DYNC2I1: variants seen among roughly 807,000 people sequenced by gnomAD.
DYNC2I1 encodes cytoplasmic dynein 2 intermediate chain 1.
DYNC2I1 carries 89 observed loss-of-function variants against 133.4 expected under a neutral mutation model. The observed-to-expected ratio is 0.67, with a 90% CI of 0.56 to 0.80. The LOEUF is 0.80. DYNC2I1 is among the 30% of genes least tolerant of loss of function. The pLI is 0.00. For missense variants in DYNC2I1, 1,291 were observed against 1,314.5 expected, an observed-to-expected ratio of 0.98 and a Z score of 0.28; for synonymous variants, 504 against 484.3, an observed-to-expected ratio of 1.04 and a Z score of -0.54.
At chr7:158,847,473 C>T in the DYNC2I1 span, among the ~76,000 whole-genome samples, 1 of 152,018 alleles carries the variant, frequency 6.6e-6, no homozygotes, top group Non-Finnish European at 1.5e-5. Flanking sequence ...AAATCTTTGC[C>T]TCCTGGGTGG....
intron 4 of DYNC2I1, among the ~76,000 whole-genome samples, chr7:158,878,882 G>C (rs1404056700): frequency 1.4e-5 from 2 of 146,816 alleles, no homozygotes; most frequent in Non-Finnish European, 3.0e-5. Flanking sequence ...TGAGTGCCGG[G>C]CACCATGTGG....
At chr7:158,899,965 T>C (rs1056587646) in intron 8 of DYNC2I1, among the ~76,000 whole-genome samples, 1 of 152,244 alleles carries the variant, frequency 6.6e-6, no homozygotes, top group African/African-American at 2.4e-5. Flanking sequence ...CAATTTTGTT[T>C]GAAAGTCTTT....
downstream of DYNC2I1, among the ~76,000 whole-genome samples, chr7:158,946,628 C>T (rs1447548483): frequency 6.6e-6 from 1 of 152,278 alleles, no homozygotes; most frequent in Non-Finnish European, 1.5e-5. Flanking sequence ...GGGCCCTGCC[C>T]CTTAACAGCA....
intron 14 of DYNC2I1, among the ~76,000 whole-genome samples, chr7:158,918,416 G>A (rs188188369): frequency 1.6e-3 from 243 of 152,162 alleles, no homozygotes; most frequent in Non-Finnish European, 1.7e-3. Context: ...GTGGGTTCAT[G>A]ACTGCTCTTT....
chr7:158,903,543 A>T (rs904699171), intron 10 of DYNC2I1: 1 of 152,244 alleles, frequency 6.6e-6, no homozygotes, highest in African/African-American at 2.4e-5. Context: ...CCTGCTACAG[A>T]GGTGGCAGAA....
intron 1 of DYNC2I1, among the ~76,000 whole-genome samples, chr7:158,864,308 C>T (rs776119709): frequency 3.3e-5 from 5 of 152,044 alleles, no homozygotes; most frequent in Non-Finnish European, 7.3e-5. Context: ...ACCACTGGGT[C>T]CATGTAGATG....
Position 158,911,603 on chromosome 7 carries a change from T to C in DYNC2I1, c.1514T>C (p.Phe505Ser), listed in dbSNP as rs1847484732. ...RLIDLDFSFT[F>S]SLLDLPPVNE... is the part of the protein sequence containing the mutation. Reference sequence around the variant, plus strand: ...ATTGACTTAGATTTTTCATTTACTTTCTCTCTCTTGGATCTACCACCAGTA... The same window carrying C: ...ATTGACTTAGATTTTTCATTTACTTCCTCTCTCTTGGATCTACCACCAGTA... Residue 505 changes from phenylalanine (F) to serine (S), a missense_variant, in exon 12 of 25, where the codon TTC becomes TCC. Coordinates refer to ENST00000407559, the MANE Select transcript of DYNC2I1 (RefSeq NM_018051.5). 1 of 1,613,634 alleles carries C rather than the reference T, an allele frequency of 6.2e-7. No homozygotes were observed. Among genetic ancestry groups the C allele is most frequent in the Non-Finnish European group, 8.5e-7 (1 of 1,179,780 alleles).
chr7:158,914,702 T>A (rs886599835), intron 14 of DYNC2I1, among the ~76,000 whole-genome samples: 2 of 152,168 alleles, frequency 1.3e-5, no homozygotes, highest in African/African-American at 2.4e-5. Flanking sequence ...TGAAAAATTT[T>A]AAAAATCCAT....
chr7:158,955,175 TG>T (rs539255738), intron 4 of DYNC2I1, among the ~76,000 whole-genome samples: 143 of 152,340 alleles, frequency 9.4e-4, no homozygotes, highest in African/African-American at 3.2e-3. Context: ...CAAATAATGT[TG>T]GGGGAAGCAT....
chr7:158,924,070 C>T (rs1296516260), intron 17 of DYNC2I1, among the ~76,000 whole-genome samples: 1 of 152,176 alleles, frequency 6.6e-6, no homozygotes, highest in African/African-American at 2.4e-5. Context: ...GTGAGCAAAG[C>T]CAGTCACCCT....
chr7:158,899,770 T>C (rs1398964779), intron 8 of DYNC2I1, among the ~76,000 whole-genome samples: 1 of 152,220 alleles, frequency 6.6e-6, no homozygotes, highest in Non-Finnish European at 1.5e-5. Context: ...AAGTGCCTTT[T>C]GCCTCCTGCC....
At position 158,941,977 on chromosome 7, in the gene DYNC2I1, C is replaced by T. The variant is rs373105588; in HGVS notation, c.2831C>T (p.Pro944Leu). 1.1e-5 allele frequency: 17 copies of T among 1,612,780 alleles called. No individual in the cohort carries two copies. Among genetic ancestry groups the T allele is most frequent in the Non-Finnish European group, 1.4e-5 (16 of 1,179,594 alleles). The change falls in exon 24 of 25, where the codon CCG becomes CTG. Residue 944 changes from proline (P) to leucine (L), a missense_variant. Coordinates refer to ENST00000407559, the MANE Select transcript of DYNC2I1 (RefSeq NM_018051.5). ...IRLHQLSSAFPLLQWDSSTDS... is the reference protein window; with the variant it reads ...IRLHQLSSAFLLLQWDSSTDS... ...CTGCACCAGCTGAGCTCCGCGTTTC[C>T]GCTCCTGCAGTGGGACAGCAGCACG... is the stretch of plus-strand genomic sequence containing the variant.
chr7:158,893,136 C>A (rs1328841138), intron 8 of DYNC2I1, among the ~76,000 whole-genome samples: 1 of 152,058 alleles, frequency 6.6e-6, no homozygotes, highest in Non-Finnish European at 1.5e-5. Flanking sequence ...TGGTCTTAAA[C>A]ATTCTGTGGG....
At chr7:158,894,073 T>C (rs1845512049) in intron 8 of DYNC2I1, among the ~76,000 whole-genome samples, 1 of 68,378 alleles carries the variant, frequency 1.5e-5, no homozygotes, top group Non-Finnish European at 3.1e-5. Flanking sequence ...CCACATATCA[T>C]ACCACATATT....
At chr7:158,880,794 C>T (rs1369395227) in intron 5 of DYNC2I1, among the ~76,000 whole-genome samples, 1 of 152,060 alleles carries the variant, frequency 6.6e-6, no homozygotes, top group Admixed American at 6.6e-5. Context: ...GTTTTAGCAC[C>T]TTTTGTTCTC....
chr7:158,893,056 T>TA (rs1309758332), intron 8 of DYNC2I1, among the ~76,000 whole-genome samples: 1 of 152,152 alleles, frequency 6.6e-6, no homozygotes, highest in Non-Finnish European at 1.5e-5. Flanking sequence ...GTGCATTTGT[T>TA]ACAGTTGATG....
At chr7:158,896,108 A>T (rs114587120) in intron 8 of DYNC2I1, among the ~76,000 whole-genome samples, 3 of 151,916 alleles carry the variant, frequency 2.0e-5, no homozygotes, top group African/African-American at 7.3e-5. Context: ...TTCTTATTTC[A>T]TTAGTTAGAA....
At chr7:158,904,123 C>T (rs842702) in intron 10 of DYNC2I1, 21,645 of 152,254 alleles carry the variant, frequency 0.14, 1,813 homozygotes, top group Middle Eastern at 0.24. Context: ...ATGCTGACTC[C>T]GGGGTTTCAG....
Position 158,870,520 on chromosome 7 carries a change from T to A in DYNC2I1, c.69+612T>A, listed in dbSNP as rs542423329. 6.7e-5 allele frequency among the ~76,000 whole-genome samples: 10 copies of A among 150,368 alleles called. No homozygotes were observed. In the East Asian group the frequency reaches 1.8e-3, roughly 27 times the overall value. ...AGGCATGAACCACCAGGCTTGCTAA[T>A]TTTTTAATTTTTTAATTTTTTAATT... On this transcript the variant is annotated intron_variant, in intron 2 of 24. Coordinates refer to ENST00000407559, the MANE Select transcript of DYNC2I1 (RefSeq NM_018051.5).
Sources: gnomAD v4.1 joint callset for allele counts (sites outside exome capture counted in the v4.1 genomes callset) on GRCh38, gnomAD v4.1.1 for gene constraint, MANE v1.5 for transcripts, NCBI Gene and HGNC (gene_info 2026-07-23, HGNC 2026-07-21) for gene names.